TRAPPC10: variants seen among roughly 807,000 people sequenced by gnomAD.
TRAPPC10 encodes the protein trafficking protein particle complex subunit 10, also known as TRAPP 130 kDa subunit.
Under a neutral mutation model 125.5 loss-of-function variants are expected in TRAPPC10, and 23 were observed. The ratio of observed to expected loss-of-function variants is 0.18; its 90% confidence interval spans 0.13 to 0.26. TRAPPC10 has a LOEUF of 0.26. Ranked by LOEUF, TRAPPC10 falls within the 10% of genes least tolerant of loss-of-function variation. The pLI, the probability that TRAPPC10 is intolerant of heterozygous loss-of-function variation, is 1.00. For missense variants in TRAPPC10, 1,123 were observed against 1,308.4 expected, an observed-to-expected ratio of 0.86 and a Z score of 2.19; for synonymous variants, 509 against 518.0, an observed-to-expected ratio of 0.98 and a Z score of 0.24.
intron 15 of TRAPPC10, 106 bp downstream of exon 15, chr21:44,084,369 A>T (rs1218069826): frequency 1.7e-6 from 2 of 1,184,992 alleles, no homozygotes; most frequent in East Asian, 2.8e-5. Flanking sequence ...TCTGCCTTTA[A>T]GAGATATTTT....
At chr21:44,047,019 T>C (rs560327644) in intron 3 of TRAPPC10, 2 of 768,014 alleles carry the variant, frequency 2.6e-6, no homozygotes, top group Admixed American at 1.8e-5. Context: ...TCTGGAGTCC[T>C]TTCCCACCTT....
chr21:44,083,381 G>C, intron 14 of TRAPPC10, 79 bp downstream of exon 14: 1 of 1,492,426 alleles, frequency 6.7e-7, no homozygotes, highest in Non-Finnish European at 9.0e-7. Context: ...TCTGGAGTGT[G>C]CTGTGAATTG....
At chr21:44,075,478 G>A (rs1188987543) in intron 9 of TRAPPC10, among the ~76,000 whole-genome samples, 1 of 151,694 alleles carries the variant, frequency 6.6e-6, no homozygotes, top group Admixed American at 6.6e-5. Context: ...CTAACAATAC[G>A]ACCTGACGAT....
intron 10 of TRAPPC10, 113 bp downstream of exon 10, chr21:44,076,741 G>C (rs1174155601): frequency 1.3e-6 from 1 of 799,402 alleles, no homozygotes; most frequent in Non-Finnish European, 2.0e-6. Context: ...CCTTCTTGTT[G>C]GTTTTTTTTA....
At chr21:44,056,480 C>T (rs983029648) in intron 5 of TRAPPC10, among the ~76,000 whole-genome samples, 1 of 152,112 alleles carries the variant, frequency 6.6e-6, no homozygotes, top group Admixed American at 6.5e-5. Flanking sequence ...GTGGGGAAAC[C>T]AGGTACATAC....
In TRAPPC10 at chr21:44,075,192, A is replaced by G. The variant is rs768120818; in HGVS notation, c.1300+39A>G. The G allele has an allele frequency of 5.5e-6, 8 of 1,442,062 alleles. No homozygotes were observed. The Admixed American group carries it at 1.4e-4, about 25-fold the overall frequency. 89.3% of individuals were successfully genotyped at this position (1,442,062 alleles called of 1,614,324 possible). On this transcript the variant is annotated intron_variant, in intron 9 of 22. Coordinates refer to ENST00000291574, the MANE Select transcript of TRAPPC10 (RefSeq NM_003274.5). ...TATACCTGTGTGAGTGGTGAGGTGGACAGTAATGAAAATGTCCTTTGCAAG... is the reference window on the plus strand; with the variant it reads ...TATACCTGTGTGAGTGGTGAGGTGGGCAGTAATGAAAATGTCCTTTGCAAG...
intron 3 of TRAPPC10, among the ~76,000 whole-genome samples, chr21:44,043,704 C>A (rs2034576593): frequency 6.6e-6 from 1 of 152,178 alleles, no homozygotes; most frequent in African/African-American, 2.4e-5. Context: ...TGTGTTTCCT[C>A]CAGTTGAATC....
At chr21:44,033,836 C>G (rs995007877) in intron 2 of TRAPPC10, among the ~76,000 whole-genome samples, 8 of 152,158 alleles carry the variant, frequency 5.3e-5, no homozygotes, top group African/African-American at 1.7e-4. Context: ...GCACTCCAGC[C>G]TGGGTGACAG....
chr21:44,095,787 C>T (rs574424441), intron 20 of TRAPPC10, among the ~76,000 whole-genome samples: 19 of 152,288 alleles, frequency 1.2e-4, no homozygotes, highest in Middle Eastern at 6.8e-3. Flanking sequence ...CCAGGCTGGT[C>T]TTGAACTCCT....
In TRAPPC10 at chr21:44,051,295, T is replaced by A. The variant is rs59381192; in HGVS notation, c.286-985T>A. Among the ~76,000 whole-genome samples the A allele has an allele frequency of 5.6e-3, 851 of 152,280 alleles. 11 individuals carry two copies. Among genetic ancestry groups the A allele is most frequent in the African/African-American group, 0.02 (825 of 41,536 alleles). ...GAGTGACTTGAAAGTCCGGAGGAAT[T>A]AGGGCAGGACAGTGAGGAACTAGCA... On this transcript the variant is annotated intron_variant, in intron 3 of 22. Coordinates refer to ENST00000291574, the MANE Select transcript of TRAPPC10 (RefSeq NM_003274.5).
At chr21:44,041,533 C>T (rs1307825242) in intron 3 of TRAPPC10, among the ~76,000 whole-genome samples, 1 of 151,964 alleles carries the variant, frequency 6.6e-6, no homozygotes. Context: ...TGCGCCACCA[C>T]GCCCTGCTAA....
intron 1 of TRAPPC10, among the ~76,000 whole-genome samples, chr21:44,020,180 G>A (rs1316715334): frequency 6.6e-6 from 1 of 151,164 alleles, no homozygotes; most frequent in South Asian, 2.1e-4. Context: ...GAGTGCAGTG[G>A]CGTGATCTCG....
rs1219100472 is a variant in TRAPPC10, at chr21:44,063,498, TA to T, written c.791-39del. The T allele has an allele frequency of 2.5e-6, 4 of 1,602,890 alleles. No individual in the cohort carries two copies. The South Asian group carries it at 4.5e-5, about 18-fold the overall frequency. On this transcript the variant is annotated intron_variant, in intron 6 of 22. Coordinates refer to ENST00000291574, the MANE Select transcript of TRAPPC10 (RefSeq NM_003274.5). This position sits in a 1 kb window ranked among gnomAD's most constrained non-coding sequence, Gnocchi z 4.4. Reference sequence around the variant, plus strand: ...GAGCAGGAAGCTCAGGAAGGTGAAGTACCTGCAATCAGCACCTTTCATGATG... The same window carrying T: ...GAGCAGGAAGCTCAGGAAGGTGAAGTCCTGCAATCAGCACCTTTCATGATG...
rs866463123 is a variant in TRAPPC10, at chr21:44,021,938, C to A, written c.67+9378C>A. On this transcript the variant is annotated intron_variant, in intron 1 of 22. Coordinates refer to ENST00000291574, the MANE Select transcript of TRAPPC10 (RefSeq NM_003274.5). ...TGACCTACAGAGCTATGAGAAAATA[C>A]ATTGCGATTTTTTTTTTCTTTCTTA... is the stretch of plus-strand genomic sequence containing the variant. 3.7e-4 allele frequency among the ~76,000 whole-genome samples: 56 copies of A among 152,160 alleles called. 1 individual carries two copies. In the Middle Eastern group the frequency reaches 0.02, roughly 55 times the overall value.
At chr21:44,017,708 G>A (rs998779968) in intron 1 of TRAPPC10, among the ~76,000 whole-genome samples, 22 of 151,948 alleles carry the variant, frequency 1.4e-4, no homozygotes, top group African/African-American at 4.6e-4. Context: ...CTCACCTGAA[G>A]GTCGGATTGG....
At chr21:44,086,780 G>C (rs370354093) in intron 15 of TRAPPC10, 22 bp from the exon 16 acceptor site, 22 of 1,612,838 alleles carry the variant, frequency 1.4e-5, no homozygotes, top group Non-Finnish European at 1.6e-5. Context: ...GCGGTGCTGA[G>C]CCACGATCTC....
intron 3 of TRAPPC10, among the ~76,000 whole-genome samples, chr21:44,048,589 G>C (rs1297232549): frequency 6.6e-6 from 1 of 152,032 alleles, no homozygotes; most frequent in East Asian, 1.9e-4. Context: ...CACCTCCTGG[G>C]GTCAAGCAAT....
In TRAPPC10 at chr21:44,087,963, G is replaced by A; in HGVS notation, c.2769+35G>A. 1 of 1,554,664 alleles carries A rather than the reference G, an allele frequency of 6.4e-7. No individual in the cohort carries two copies. Among genetic ancestry groups the A allele is most frequent in the Non-Finnish European group, 8.8e-7 (1 of 1,142,092 alleles). The stretch of plus-strand genomic sequence containing the variant: ...GACAGTGGAGGAGCTTAGCTTGTGG[G>A]GCGTCCGCCGCCCGCCTGCCTGCTG... On this transcript the variant is annotated intron_variant, in intron 17 of 22. Coordinates refer to ENST00000291574, the MANE Select transcript of TRAPPC10 (RefSeq NM_003274.5). The surrounding 1 kb of genome is among the most constrained non-coding windows in gnomAD (Gnocchi z 4.6).
chr21:44,064,647 T>A (rs1569185834), intron 7 of TRAPPC10, among the ~76,000 whole-genome samples: 2 of 152,196 alleles, frequency 1.3e-5, no homozygotes, highest in African/African-American at 2.4e-5. Flanking sequence ...AGTGATTAGG[T>A]CTGAAGAGTA....
Sources: allele counts gnomAD v4.1 joint callset (sites outside exome capture counted in the v4.1 genomes callset), GRCh38; gene constraint gnomAD v4.1.1; non-coding constraint Gnocchi (gnomAD v3.1); transcripts MANE v1.5; gene names NCBI Gene and HGNC (gene_info 2026-07-23, HGNC 2026-07-21).